Variants in BRD1 observed in about 807,000 individuals in gnomAD.
BRD1 encodes bromodomain containing 1.
In BRD1, 24 loss-of-function variants were observed where a neutral mutation model predicts 107.7. The observed-to-expected ratio is 0.22, with a 90% CI of 0.16 to 0.31. BRD1 has a LOEUF of 0.31. Among genes scored for constraint, BRD1 ranks in the 10% least tolerant of loss-of-function variants. The probability of loss-of-function intolerance (pLI) is 1.00; values close to 1 mark genes in which losing one functional copy is unlikely to be tolerated. For synonymous variants in BRD1, 744 were observed against 686.1 expected (o/e 1.08, Z -1.32); for missense variants, 1,279 against 1,638.6 (o/e 0.78, Z 3.79).
In BRD1 at chr22:49,821,897, G is replaced by T. The variant is rs369809661; in HGVS notation, c.1367+1054C>A. Among the ~76,000 whole-genome samples, 23 of 152,298 alleles carry T rather than the reference G, an allele frequency of 1.5e-4. No individual in the cohort carries two copies. In the South Asian group the frequency reaches 4.8e-3, roughly 32 times the overall value. On this transcript the variant is annotated intron_variant, in intron 2 of 12. Coordinates refer to ENST00000404760, the MANE Select transcript of BRD1 (RefSeq NM_001304808.3). ...GCTGGCTCTACCCGCCCTGTTGACC[G>T]GCAGGCCCCATCTGTGCTCACAGCT...
intron 8 of BRD1, among the ~76,000 whole-genome samples, chr22:49,784,415 T>C (rs2059281572): frequency 6.6e-6 from 1 of 152,198 alleles, no homozygotes; most frequent in South Asian, 2.1e-4. Flanking sequence ...GACGGTTCAC[T>C]GCTGGTGAGC....
chr22:49,818,385 T>C (rs941002444), intron 2 of BRD1: 7 of 1,192,656 alleles, frequency 5.9e-6, no homozygotes, highest in East Asian at 6.1e-5. Flanking sequence ...CTGATGAACC[T>C]AGGAGTTTTG....
chr22:49,797,701 G>T, intron 6 of BRD1, 104 bp downstream of exon 6: 1 of 1,203,884 alleles, frequency 8.3e-7, no homozygotes, highest in Non-Finnish European at 1.1e-6. Context: ...TTGCATGCTA[G>T]TGGCTCCCGG....
rs1351664699 is a variant in BRD1, at chr22:49,792,246, A to G, written c.2359+1788T>C. On this transcript the variant is annotated intron_variant, in intron 7 of 12. Coordinates refer to ENST00000404760, the MANE Select transcript of BRD1 (RefSeq NM_001304808.3). The surrounding 1 kb of genome is among the most constrained non-coding windows in gnomAD (Gnocchi z 4.2). ...AATGGTACAACTGTGTGCGAAGAGA[A>G]GCGCTGGAAGCTATTTTGAGAATGG... Among the ~76,000 whole-genome samples the G allele has an allele frequency of 6.6e-6, 1 of 152,228 alleles. No individual in the cohort carries two copies. The highest frequency in any genetic ancestry group is 1.5e-5 in the Non-Finnish European group (1 of 68,034).
rs946225505 is a variant in BRD1, at chr22:49,803,482, G to A, written c.1524+722C>T. ...GGGCGCTGGCCGCAGGTCCTGGGCC[G>A]TGTGCAGAGCTGCTTGTGTTTTCAA... is the stretch of plus-strand genomic sequence containing the variant. On this transcript the variant is annotated intron_variant, in intron 3 of 12. Transcript: ENST00000404760. The surrounding 1 kb of genome is among the most constrained non-coding windows in gnomAD (Gnocchi z 4.4). Among the ~76,000 whole-genome samples, 4 of 152,250 alleles carry A rather than the reference G, an allele frequency of 2.6e-5. No homozygotes were observed. The highest frequency in any genetic ancestry group is 1.3e-4 in the Admixed American group (2 of 15,292).
At chr22:49,791,345 C>T (rs2059431174) in intron 7 of BRD1, among the ~76,000 whole-genome samples, 1 of 152,250 alleles carries the variant, frequency 6.6e-6, no homozygotes, top group South Asian at 2.1e-4. Flanking sequence ...ACACTAAAGT[C>T]TCAGGGGCCT....
chr22:49,813,412 C>T (rs1050443120), intron 2 of BRD1, among the ~76,000 whole-genome samples: 5 of 151,716 alleles, frequency 3.3e-5, no homozygotes, highest in African/African-American at 7.3e-5. Context: ...TTAGTAGAGA[C>T]GGGGTTTCAC....
rs771162911 is a variant in BRD1 at position 49,804,278 on chromosome 22, G to A, written c.1450C>T (p.Arg484Trp). The change falls in exon 3 of 13, where the codon CGG becomes TGG. Residue 484 changes from arginine to tryptophan, a missense_variant. Around this residue, in one of 7 missense-constraint regions of BRD1, gnomAD observed 6 missense variants for 20.0 expected, o/e 0.30. Transcript: ENST00000404760. ...AGGGGGGCCCCGTTCCTGGACAGCC[G>A]CTTGAGCAGCCAGTAGCTGTGGGCT... ...ERAHSYWLLK[R>W]LSRNGAPLLR... The A allele has an allele frequency of 6.2e-7, 1 of 1,609,928 alleles. No individual in the cohort carries two copies. The highest frequency in any genetic ancestry group is 2.2e-5 in the East Asian group (1 of 44,784).
At chr22:49,789,536 C>A (rs1258807460) in intron 7 of BRD1, among the ~76,000 whole-genome samples, 1 of 150,886 alleles carries the variant, frequency 6.6e-6, no homozygotes, top group Non-Finnish European at 1.5e-5. Flanking sequence ...CATTCAACTG[C>A]TCACTGCAAT....
At chr22:49,802,860 C>T (rs188853359) in intron 3 of BRD1, among the ~76,000 whole-genome samples, 8 of 152,208 alleles carry the variant, frequency 5.3e-5, no homozygotes, top group Admixed American at 3.9e-4. Flanking sequence ...CATCATGGAA[C>T]GGAAGATGCG....
intron 12 of BRD1, among the ~76,000 whole-genome samples, chr22:49,774,772 G>A (rs189721742): frequency 7.3e-4 from 111 of 152,394 alleles, no homozygotes; most frequent in Middle Eastern, 3.4e-3. Flanking sequence ...CATCAAAGGG[G>A]CCCTCGGATG....
intron 4 of BRD1, 55 bp downstream of exon 4, chr22:49,798,933 C>T (rs2059588018): frequency 8.4e-6 from 13 of 1,542,196 alleles, no homozygotes; most frequent in East Asian, 2.3e-5. Flanking sequence ...TGCCAGCGTC[C>T]CACCCACGCC....
At chr22:49,778,220 T>G (rs903116191) in intron 8 of BRD1, among the ~76,000 whole-genome samples, 1 of 152,134 alleles carries the variant, frequency 6.6e-6, no homozygotes, top group Non-Finnish European at 1.5e-5. Context: ...GAACGGAAAC[T>G]TCACCAGGCC....
rs1403534413 is a variant in BRD1, at chr22:49,827,641, T to C, written c.-159A>G. 1.4e-5 allele frequency: 2 copies of C among 143,086 alleles called. No individual in the cohort carries two copies. The highest frequency in any genetic ancestry group is 5.0e-5 in the African/African-American group (2 of 39,690). The allele number at this position is 143,086 out of a possible 1,614,324, so 8.9% of individuals were successfully genotyped here. ...GCCGCCGCTCCTGGGCGCGGGCCCC[T>C]CTCGGCCGCGGCGGCTCCGGGCCCG... On this transcript the variant is annotated 5_prime_UTR_variant, in exon 1 of 13. Coordinates refer to ENST00000404760, the MANE Select transcript of BRD1 (RefSeq NM_001304808.3).
chr22:49,797,837 G>A lies in BRD1; in HGVS notation c.2066C>T (p.Ala689Val), dbSNP rs145415691. The change falls in exon 6 of 13, where the codon GCG becomes GTG. Residue 689 changes from alanine (A) to valine (V), a missense_variant. Physicochemically the swap from Ala to Val is moderately conservative, Grantham distance 64. Transcript: ENST00000404760. Reference sequence around the variant, plus strand: ...CCAGGAGAAAGGCCGCCGCGGTGCCGCAGCAGGCCGCTCAGGCAGGTGCAT... The same window carrying A: ...CCAGGAGAAAGGCCGCCGCGGTGCCACAGCAGGCCGCTCAGGCAGGTGCAT... ...SGMHLPERPA[A>V]APRRPFSWED... 730 of 1,607,434 alleles carry A rather than the reference G, an allele frequency of 4.5e-4. 7 individuals carry two copies. In the East Asian group the frequency reaches 9.2e-3, roughly 20 times the overall value.
chr22:49,796,848 A>AC (rs1294962835), intron 6 of BRD1, among the ~76,000 whole-genome samples: 1 of 152,090 alleles, frequency 6.6e-6, no homozygotes, highest in South Asian at 2.1e-4. Flanking sequence ...GGGAACGTGG[A>AC]CCCCGCGATG....
intron 2 of BRD1, chr22:49,805,523 G>A (rs546656269): frequency 8.5e-5 from 13 of 152,514 alleles, no homozygotes; most frequent in African/African-American, 2.9e-4. Context: ...GACAGCCAAC[G>A]GAAGGAAGCC....
In BRD1 at chr22:49,776,144, C is replaced by G; in HGVS notation, c.3137G>C (p.Ser1046Thr). 6.2e-7 allele frequency: 1 copy of G among 1,605,408 alleles called. No homozygotes were observed. The highest frequency in any genetic ancestry group is 8.5e-7 in the Non-Finnish European group (1 of 1,179,814). Residue 1046 changes from serine to threonine, a missense_variant, in exon 11 of 13, where the codon AGC becomes ACC. Physicochemically the swap from Ser to Thr is moderately conservative, Grantham distance 58. This residue lies in a region of BRD1 where 263 missense variants were observed against 251.6 expected (regional missense o/e 1.05). Coordinates refer to ENST00000404760, the MANE Select transcript of BRD1 (RefSeq NM_001304808.3). Reference sequence around the variant, plus strand: ...GGCGGCATCAGTGGAGATCCACATGCTGCTCTGGCCGACTTCTGCGGAGAG... The same window carrying G: ...GGCGGCATCAGTGGAGATCCACATGGTGCTCTGGCCGACTTCTGCGGAGAG... ...ARIAAEVGQS[S>T]MWISTDAAAS...
rs2059069589 is a variant in BRD1, at chr22:49,775,725, G to T, written c.3252C>A (p.Pro1084=). ...YPALIIDPKM[P]RVPGHHNGVT... ...CGCCGTTGTGGTGGCCAGGCACACGGGGCATCTTGGGGTCGATGATCTGCA... is the reference window on the plus strand; with the variant it reads ...CGCCGTTGTGGTGGCCAGGCACACGTGGCATCTTGGGGTCGATGATCTGCA... The change falls in exon 12 of 13, where the codon CCC becomes CCA. Residue 1084 remains proline, a synonymous_variant. Coordinates refer to ENST00000404760, the MANE Select transcript of BRD1 (RefSeq NM_001304808.3). The T allele has an allele frequency of 6.2e-7, 1 of 1,609,094 alleles. No individual in the cohort carries two copies. Among genetic ancestry groups the T allele is most frequent in the East Asian group, 2.2e-5 (1 of 44,754 alleles).
Sources: allele counts gnomAD v4.1 joint callset (sites outside exome capture counted in the v4.1 genomes callset), GRCh38; gene constraint gnomAD v4.1.1; regional missense constraint gnomAD v4.1.1; non-coding constraint Gnocchi (gnomAD v3.1); transcripts MANE v1.5; gene names NCBI Gene and HGNC (gene_info 2026-07-23, HGNC 2026-07-21).